Variants in EML1 observed in about 807,000 individuals in gnomAD.
The protein encoded by EML1 is echinoderm microtubule-associated protein-like 1.
A neutral mutation model predicts 110.4 loss-of-function variants in EML1; 27 were observed. The observed-to-expected ratio is 0.24, with a 90% CI of 0.18 to 0.34. EML1 has a LOEUF of 0.34. EML1 is among the 10% of genes least tolerant of loss of function. The pLI, the probability that EML1 is intolerant of heterozygous loss-of-function variation, is 1.00. For missense variants in EML1, 741 were observed against 1,030.9 expected (o/e 0.72, Z 3.85); for synonymous variants, 344 against 385.8 (o/e 0.89, Z 1.27).
intron 1 of EML1, among the ~76,000 whole-genome samples, chr14:99,798,779 T>C (rs2057822369): frequency 6.6e-6 from 1 of 152,196 alleles, no homozygotes; most frequent in Admixed American, 6.5e-5. Flanking sequence ...TCAAGTAAAA[T>C]TCTTGTGTAC....
chr14:99,751,756 G>A (rs970913895), intron 1 of EML1, among the ~76,000 whole-genome samples: 1 of 152,174 alleles, frequency 6.6e-6, no homozygotes, highest in African/African-American at 2.4e-5. Context: ...TCAAGGAAGA[G>A]CAGCAAGGTC....
At chr14:99,873,137 T>C (rs2059232767) in intron 3 of EML1, among the ~76,000 whole-genome samples, 1 of 152,186 alleles carries the variant, frequency 6.6e-6, no homozygotes, top group Admixed American at 6.5e-5. Context: ...GAGTAACATT[T>C]CTACTGGTTC....
chr14:99,919,200 C>T (rs947579177), intron 16 of EML1, among the ~76,000 whole-genome samples: 10 of 152,134 alleles, frequency 6.6e-5, no homozygotes, highest in Admixed American at 2.0e-4. Flanking sequence ...GTACTGTATA[C>T]ATTTACTGTG....
At chr14:99,812,872 T>C (rs2058105144) in intron 1 of EML1, among the ~76,000 whole-genome samples, 2 of 152,200 alleles carry the variant, frequency 1.3e-5, no homozygotes, top group South Asian at 4.1e-4. Context: ...AGTAAACAGA[T>C]AAAGTGTTTC....
chr14:99,766,515 A>G (rs1156670518), intron 1 of EML1, among the ~76,000 whole-genome samples: 1 of 151,894 alleles, frequency 6.6e-6, no homozygotes, highest in African/African-American at 2.4e-5. Context: ...GTTTTTGAAG[A>G]CCTCAGTTGG....
chr14:99,931,881 C>G (rs769811536), intron 17 of EML1, among the ~76,000 whole-genome samples: 1 of 152,180 alleles, frequency 6.6e-6, no homozygotes, highest in Non-Finnish European at 1.5e-5. Flanking sequence ...GCCGTCTTGC[C>G]GGGCAGTCGT....
At chr14:99,913,658 T>C (rs925539627) in intron 13 of EML1, among the ~76,000 whole-genome samples, 1 of 151,908 alleles carries the variant, frequency 6.6e-6, no homozygotes, top group African/African-American at 2.4e-5. Context: ...AAATAAGGCT[T>C]AGGGTTTTGA....
At chr14:99,744,238 G>C (rs2057077719) in intron 1 of EML1, among the ~76,000 whole-genome samples, 1 of 151,902 alleles carries the variant, frequency 6.6e-6, no homozygotes, top group Admixed American at 6.6e-5. Flanking sequence ...CTTATAAAAA[G>C]ACCACTGCAG....
chr14:99,795,741 A>G (rs1175824913), intron 1 of EML1, among the ~76,000 whole-genome samples: 2 of 152,246 alleles, frequency 1.3e-5, no homozygotes. Flanking sequence ...TTTTTAAATG[A>G]GAGACTTACA....
chr14:99,789,825 A>C (rs2057643380), upstream of EML1, among the ~76,000 whole-genome samples: 1 of 152,226 alleles, frequency 6.6e-6, no homozygotes. Flanking sequence ...TACAGAGTAC[A>C]CATCATTTAT....
intron 1 of EML1, among the ~76,000 whole-genome samples, chr14:99,842,049 C>G (rs1032314078): frequency 1.1e-3 from 175 of 152,258 alleles, no homozygotes; most frequent in African/African-American, 3.9e-3. Context: ...GGAAAAAAAG[C>G]TAAAGCTCAA....
At chr14:99,759,976 G>A (rs376386450) in intron 1 of EML1, among the ~76,000 whole-genome samples, 110 of 151,026 alleles carry the variant, frequency 7.3e-4, no homozygotes, top group African/African-American at 2.6e-3. Context: ...GCGTGGTGGC[G>A]GGTGCCTGTA....
intron 17 of EML1, among the ~76,000 whole-genome samples, chr14:99,930,216 G>C (rs1402398044): frequency 1.3e-5 from 2 of 152,248 alleles, no homozygotes; most frequent in African/African-American, 4.8e-5. Context: ...AAACTGGACA[G>C]TCGAAACTTT....
chr14:99,785,483 A>G (rs2057589156), intron 1 of EML1, among the ~76,000 whole-genome samples: 1 of 152,238 alleles, frequency 6.6e-6, no homozygotes. Flanking sequence ...CTGTGAATAC[A>G]TTCTCCAGGC....
chr14:99,843,841 C>A (rs886654091), intron 1 of EML1, among the ~76,000 whole-genome samples: 40 of 152,212 alleles, frequency 2.6e-4, no homozygotes, highest in Non-Finnish European at 8.8e-5. Flanking sequence ...GGTTGTTACA[C>A]CAACCTGACT....
At chr14:99,876,995 CCTATA>C (rs1207085269) in intron 3 of EML1, among the ~76,000 whole-genome samples, 1 of 152,142 alleles carries the variant, frequency 6.6e-6, no homozygotes, top group Non-Finnish European at 1.5e-5. Context: ...TACAGAGATA[CCTATA>C]CTAGAGTTAT....
chr14:99,920,359 C>T (rs1178160622), intron 16 of EML1, among the ~76,000 whole-genome samples: 2 of 152,202 alleles, frequency 1.3e-5, no homozygotes, highest in Non-Finnish European at 2.9e-5. Flanking sequence ...GGAACACCAC[C>T]ACCCCGGAGT....
chr14:99,776,715 G>A lies in EML1; in HGVS notation c.-27+2702G>A, dbSNP rs137982990. Reference sequence around the variant, plus strand: ...TCATCACGAGTAATATTGGCCGTAAGTGAATTCCCCTCTTCTCAAATGGTG... The same window carrying A: ...TCATCACGAGTAATATTGGCCGTAAATGAATTCCCCTCTTCTCAAATGGTG... On this transcript the variant is annotated intron_variant, in intron 1 of 22. Coordinates refer to the EML1 transcript ENST00000327921. 6.6e-3 allele frequency among the ~76,000 whole-genome samples: 1,000 copies of A among 152,296 alleles called. 9 individuals carry two copies. Among genetic ancestry groups the A allele is most frequent in the Non-Finnish European group, 0.012 (790 of 68,018 alleles).
At chr14:99,830,753 G>C (rs975674925) in intron 1 of EML1, among the ~76,000 whole-genome samples, 3 of 152,056 alleles carry the variant, frequency 2.0e-5, no homozygotes, top group Non-Finnish European at 4.4e-5. Flanking sequence ...GTTTCACCAC[G>C]TTGGCCAGGC....
Sources: allele counts gnomAD v4.1 joint callset (sites outside exome capture counted in the v4.1 genomes callset), GRCh38; gene constraint gnomAD v4.1.1; transcripts MANE v1.5; gene names NCBI Gene and HGNC (gene_info 2026-07-23, HGNC 2026-07-21).